TRAK1: variants seen among roughly 807,000 people sequenced by gnomAD.
TRAK1 encodes the protein trafficking kinesin-binding protein 1.
In TRAK1, 33 loss-of-function variants were observed where a neutral mutation model predicts 92.1. The observed-to-expected ratio is 0.36, with a 90% CI of 0.27 to 0.48. The LOEUF (loss-of-function observed/expected upper bound fraction) is 0.48, where lower values mean the gene tolerates loss of function less well. Ranked by LOEUF, TRAK1 falls within the 20% of genes least tolerant of loss-of-function variation. The pLI, the probability that TRAK1 is intolerant of heterozygous loss-of-function variation, is 0.99. For missense variants in TRAK1, 1,123 were observed against 1,257.9 expected, an observed-to-expected ratio of 0.89 and a Z score of 1.62; for synonymous variants, 521 against 517.3, an observed-to-expected ratio of 1.01 and a Z score of -0.10.
At chr3:42,222,681 C>A (rs2149552712) in intron 15 of TRAK1, among the ~76,000 whole-genome samples, 1 of 152,330 alleles carries the variant, frequency 6.6e-6, no homozygotes, top group East Asian at 1.9e-4. Flanking sequence ...GTTTCTTCAT[C>A]TGCAAAGGGG....
chr3:42,107,382 C>G (rs573475060), intron 1 of TRAK1, among the ~76,000 whole-genome samples: 1 of 151,944 alleles, frequency 6.6e-6, no homozygotes, highest in Non-Finnish European at 1.5e-5. Flanking sequence ...CGTGGTGGTG[C>G]GTGCCTGTAG....
chr3:42,192,681 T>C (rs1706002816), intron 7 of TRAK1, among the ~76,000 whole-genome samples: 2 of 152,194 alleles, frequency 1.3e-5, no homozygotes, highest in South Asian at 4.1e-4. Flanking sequence ...AGGGGATTCC[T>C]GTTTAGTCAC....
intron 2 of TRAK1, among the ~76,000 whole-genome samples, chr3:42,155,380 T>G (rs1700424056): frequency 6.6e-6 from 1 of 152,182 alleles, no homozygotes. Flanking sequence ...ATGCTCCGTT[T>G]TTAGAGCTTT....
intron 14 of TRAK1, chr3:42,218,988 CT>C: frequency 1.0e-6 from 1 of 985,396 alleles, no homozygotes; most frequent in Non-Finnish European, 1.2e-6. Context: ...CCCCAGGCCC[CT>C]TTTTGTGTAA....
At position 42,202,381 on chromosome 3, in the gene TRAK1, C is replaced by T. The variant is rs965765407; in HGVS notation, c.1428-55C>T. ...CGCTGTGCATTGAGCAGTCGGGCCT[C>T]TGTGGCCTTGGAGCCCTGCTGGCAT... is the stretch of plus-strand genomic sequence containing the variant. On this transcript the variant is annotated intron_variant, in intron 12 of 15. Transcript: ENST00000327628. This position sits in a 1 kb window ranked among gnomAD's most constrained non-coding sequence, Gnocchi z 6.1. 1 of 1,444,482 alleles carries T rather than the reference C, an allele frequency of 6.9e-7. No individual in the cohort carries two copies. Among genetic ancestry groups the T allele is most frequent in the African/African-American group, 1.4e-5 (1 of 70,344 alleles). 89.5% of individuals were successfully genotyped at this position (1,444,482 alleles called of 1,614,324 possible).
rs1052314326 is a variant in TRAK1, at chr3:42,214,069, A to G, written c.1963+4084A>G. 2.6e-5 allele frequency among the ~76,000 whole-genome samples: 4 copies of G among 152,248 alleles called. No homozygotes were observed. The East Asian group carries it at 7.7e-4, about 29-fold the overall frequency. ...TTGACTCCTTCAAAACAAACAGCAT[A>G]GAGTCAACCCTGCTTAAAATATCCA... On this transcript the variant is annotated intron_variant, in intron 14 of 15. Coordinates refer to ENST00000327628, the MANE Select transcript of TRAK1 (RefSeq NM_001042646.3).
chr3:42,188,876 G>C, intron 5 of TRAK1, 140 bp from the exon 6 acceptor site: 1 of 630,814 alleles, frequency 1.6e-6, no homozygotes, highest in Non-Finnish European at 2.9e-6. Flanking sequence ...TGCACTGGGG[G>C]CGCTGTCTTC....
chr3:42,178,844 C>T (rs1413035861), intron 3 of TRAK1, among the ~76,000 whole-genome samples: 1 of 151,952 alleles, frequency 6.6e-6, no homozygotes, highest in Non-Finnish European at 1.5e-5. Flanking sequence ...GTATGGTGGC[C>T]TGTGCCTGTA....
At chr3:42,052,841 T>A (rs1182752630) in intron 1 of TRAK1, among the ~76,000 whole-genome samples, 1 of 152,174 alleles carries the variant, frequency 6.6e-6, no homozygotes, top group Non-Finnish European at 1.5e-5. Context: ...TGGTAAGGGC[T>A]CCAGGATGTC....
chr3:42,153,405 TAAAAA>T (rs890153676), intron 2 of TRAK1, among the ~76,000 whole-genome samples: 1 of 146,800 alleles, frequency 6.8e-6, no homozygotes, highest in Non-Finnish European at 1.5e-5. Context: ...TTAAAAAAAA[TAAAAA>T]AAAAAGGAAT....
intron 1 of TRAK1, among the ~76,000 whole-genome samples, chr3:42,074,945 A>G (rs9878324): frequency 0.5 from 76,550 of 151,886 alleles, 20,596 homozygotes; most frequent in South Asian, 0.68. Flanking sequence ...TACAAATAAG[A>G]AAATGTGGTA....
chr3:42,199,416 C>T (rs1306163616), intron 11 of TRAK1, among the ~76,000 whole-genome samples, 163 bp downstream of exon 11: 2 of 152,100 alleles, frequency 1.3e-5, no homozygotes, highest in East Asian at 3.9e-4. Flanking sequence ...TGACAGCATC[C>T]CTCAGCTCCT....
chr3:42,182,566 T>C (rs1441132426), intron 3 of TRAK1, among the ~76,000 whole-genome samples: 1 of 152,220 alleles, frequency 6.6e-6, no homozygotes, highest in Non-Finnish European at 1.5e-5. Flanking sequence ...TGAGAGCCAC[T>C]GTGCCTGGCC....
intron 14 of TRAK1, among the ~76,000 whole-genome samples, chr3:42,214,474 G>T (rs539460685): frequency 2.0e-5 from 3 of 152,298 alleles, no homozygotes; most frequent in South Asian, 4.1e-4. Context: ...TTCTGCATTT[G>T]CCCTTTGGAC....
intron 1 of TRAK1, among the ~76,000 whole-genome samples, chr3:42,093,812 C>T (rs1705500287): frequency 6.7e-6 from 1 of 149,738 alleles, no homozygotes; most frequent in South Asian, 2.2e-4. Flanking sequence ...AAGCAGTTCT[C>T]ATCCCTCAAC....
chr3:42,060,625 CTTTTTTTTT>C (rs1299725245), intron 1 of TRAK1, among the ~76,000 whole-genome samples: 1 of 123,300 alleles, frequency 8.1e-6, no homozygotes, highest in African/African-American at 3.2e-5. Flanking sequence ...TTTTTGGCTG[CTTTTTTTTT>C]TTTTTTTTTT....
At chr3:42,137,131 C>T (rs1293844009) in intron 2 of TRAK1, among the ~76,000 whole-genome samples, 6 of 152,050 alleles carry the variant, frequency 3.9e-5, no homozygotes, top group African/African-American at 1.5e-4. Context: ...GGACATAATG[C>T]ATTTTAAATA....
At chr3:42,146,789 C>T (rs1037631342) in intron 2 of TRAK1, among the ~76,000 whole-genome samples, 10 of 152,200 alleles carry the variant, frequency 6.6e-5, no homozygotes, top group African/African-American at 9.7e-5. Context: ...CTCCTGGCCT[C>T]AAACTATCCT....
chr3:42,103,376 G>A (rs375076095), intron 1 of TRAK1, among the ~76,000 whole-genome samples: 18 of 152,062 alleles, frequency 1.2e-4, no homozygotes, highest in East Asian at 3.9e-4. Flanking sequence ...GGTTTTGCTG[G>A]GTTGGCCAGG....
Sources: allele counts gnomAD v4.1 joint callset (sites outside exome capture counted in the v4.1 genomes callset), GRCh38; gene constraint gnomAD v4.1.1; non-coding constraint Gnocchi (gnomAD v3.1); transcripts MANE v1.5; gene names NCBI Gene and HGNC (gene_info 2026-07-23, HGNC 2026-07-21).